ARHGAP29: variants seen among roughly 807,000 people sequenced by gnomAD.
The protein encoded by ARHGAP29 is rho GTPase-activating protein 29.
A neutral mutation model predicts 122.6 loss-of-function variants in ARHGAP29; 43 were observed. The observed-to-expected ratio is 0.35, with a 90% CI of 0.27 to 0.45. ARHGAP29 has a LOEUF of 0.45. ARHGAP29 is among the 20% of genes least tolerant of loss of function. ARHGAP29 has a pLI of 1.00. For synonymous variants in ARHGAP29, 506 were observed against 497.1 expected (o/e 1.02, Z -0.24); for missense variants, 1,303 against 1,477.2 (o/e 0.88, Z 1.93).
At chr1:94,302,858 G>C in the ARHGAP29 span, 1 of 229,116 alleles carries the variant, frequency 4.4e-6, no homozygotes, top group Non-Finnish European at 8.8e-6. Flanking sequence ...TGAGCACCAG[G>C]CTGTCTCCTC....
At chr1:94,279,301 C>T (rs961670500), upstream of ARHGAP29, among the ~76,000 whole-genome samples, 3 of 152,156 alleles carry the variant, frequency 2.0e-5, no homozygotes, top group Non-Finnish European at 4.4e-5. Flanking sequence ...CAATTCCATG[C>T]CCCTTTGTCT....
chr1:94,199,835 C>A (rs1459247019), intron 12 of ARHGAP29, among the ~76,000 whole-genome samples: 3 of 152,144 alleles, frequency 2.0e-5, no homozygotes, highest in African/African-American at 4.8e-5. Context: ...ATGTCCCCTT[C>A]TCTTGGGAAA....
chr1:94,282,851 G>A, the ARHGAP29 span, among the ~76,000 whole-genome samples: 2 of 152,106 alleles, frequency 1.3e-5, no homozygotes, highest in Non-Finnish European at 2.9e-5. Context: ...TCTCTATGTG[G>A]TTTGTCTCCA....
chr1:94,188,405 G>A (rs1649938523), intron 15 of ARHGAP29, among the ~76,000 whole-genome samples: 1 of 151,588 alleles, frequency 6.6e-6, no homozygotes, highest in Non-Finnish European at 1.5e-5. Context: ...ATACAGCAGT[G>A]AAAATAAAGG....
chr1:94,258,908 T>G (rs1654460966), intron 1 of ARHGAP29, among the ~76,000 whole-genome samples: 1 of 152,242 alleles, frequency 6.6e-6, no homozygotes, highest in Non-Finnish European at 1.5e-5. Context: ...TTATCCTCTG[T>G]GTCTGCTGCT....
At chr1:94,238,886 A>G (rs369526589), upstream of ARHGAP29, among the ~76,000 whole-genome samples, 3 of 152,188 alleles carry the variant, frequency 2.0e-5, no homozygotes, top group East Asian at 3.9e-4. Flanking sequence ...TTACATAGAC[A>G]TATCTTTGAA....
At chr1:94,243,077 T>C (rs1371973990) in intron 1 of ARHGAP29, among the ~76,000 whole-genome samples, 7 of 151,856 alleles carry the variant, frequency 4.6e-5, no homozygotes, top group Non-Finnish European at 8.8e-5. Flanking sequence ...ATGGAAAAAA[T>C]AGACAAATCC....
intron 19 of ARHGAP29, among the ~76,000 whole-genome samples, chr1:94,183,012 T>C (rs2101380177): frequency 6.6e-6 from 1 of 152,268 alleles, no homozygotes; most frequent in South Asian, 2.1e-4. Context: ...AAGATGACTG[T>C]AGTTAACAAT....
intron 2 of ARHGAP29, among the ~76,000 whole-genome samples, chr1:94,226,473 G>C (rs1243784815): frequency 6.6e-6 from 1 of 151,934 alleles, no homozygotes; most frequent in East Asian, 1.9e-4. Context: ...GCAAGTGGCA[G>C]AATGAGGATT....
chr1:94,235,786 G>GT (rs1350855895), intron 1 of ARHGAP29, among the ~76,000 whole-genome samples: 1 of 152,134 alleles, frequency 6.6e-6, no homozygotes. Flanking sequence ...CACTTCCATT[G>GT]TATGTTGTAA....
chr1:94,279,802 C>T (rs1324138107), upstream of ARHGAP29, among the ~76,000 whole-genome samples: 1 of 152,182 alleles, frequency 6.6e-6, no homozygotes. Context: ...TTCACTATAC[C>T]TTGAGTCTTT....
intron 1 of ARHGAP29, among the ~76,000 whole-genome samples, chr1:94,267,635 T>C (rs1654822315): frequency 1.3e-5 from 2 of 152,104 alleles, no homozygotes; most frequent in Admixed American, 6.6e-5. Flanking sequence ...TGTGGAAAGA[T>C]AGCATAACAT....
chr1:94,259,621 G>C (rs971190709), intron 1 of ARHGAP29, among the ~76,000 whole-genome samples: 2 of 152,096 alleles, frequency 1.3e-5, no homozygotes, highest in Admixed American at 6.5e-5. Flanking sequence ...TGTAAGCCGA[G>C]GAACACCAAG....
intron 2 of ARHGAP29, among the ~76,000 whole-genome samples, chr1:94,223,614 T>C (rs1652450507): frequency 6.6e-6 from 1 of 152,024 alleles, no homozygotes; most frequent in Non-Finnish European, 1.5e-5. Context: ...CATACATACA[T>C]ATATTTACAT....
chr1:94,237,767 C>A (rs1289362204), upstream of ARHGAP29: 2 of 985,434 alleles, frequency 2.0e-6, no homozygotes, highest in East Asian at 1.1e-4. Flanking sequence ...CGGACGCTGT[C>A]CCAGCATCAC....
chr1:94,192,944 C>T (rs929261492), intron 12 of ARHGAP29: 8 of 151,956 alleles, frequency 5.3e-5, no homozygotes, highest in South Asian at 2.1e-4. Flanking sequence ...CTCAACAACT[C>T]GCAAGACAAA....
At chr1:94,286,332 C>A in the ARHGAP29 span, among the ~76,000 whole-genome samples, 56 of 152,158 alleles carry the variant, frequency 3.7e-4, no homozygotes, top group African/African-American at 1.3e-3. Context: ...TTGGGAAAGG[C>A]AAAAATATTC....
intron 2 of ARHGAP29, among the ~76,000 whole-genome samples, chr1:94,223,177 C>G (rs574506020): frequency 6.6e-6 from 1 of 152,312 alleles, no homozygotes; most frequent in East Asian, 1.9e-4. Flanking sequence ...ATCTCCTGAC[C>G]TCGTGATCCA....
the ARHGAP29 span, among the ~76,000 whole-genome samples, chr1:94,314,531 G>A: frequency 6.6e-6 from 1 of 152,136 alleles, no homozygotes; most frequent in Admixed American, 6.5e-5. Context: ...TTAAGAGGCA[G>A]CACTGAGTTG....
Sources: allele counts gnomAD v4.1 joint callset (sites outside exome capture counted in the v4.1 genomes callset), GRCh38; gene constraint gnomAD v4.1.1; transcripts MANE v1.5; gene names NCBI Gene and HGNC (gene_info 2026-07-23, HGNC 2026-07-21).